Variants in MARCHF4 observed in about 807,000 individuals in gnomAD.
The protein encoded by MARCHF4 is membrane associated ring-CH-type finger 4, also known as E3 ubiquitin-protein ligase MARCHF4.
A neutral mutation model predicts 43.9 loss-of-function variants in MARCHF4; 14 were observed. That is an observed-to-expected ratio of 0.32 (90% confidence interval 0.21 to 0.50). The LOEUF is 0.50. Ranked by LOEUF, MARCHF4 falls within the 20% of genes least tolerant of loss-of-function variation. The pLI is 0.98. For missense variants in MARCHF4, 468 were observed against 536.7 expected (o/e 0.87, Z 1.27); for synonymous variants, 226 against 213.3 (o/e 1.06, Z -0.52).
At chr2:216,272,848 G>T (rs1174588949) in intron 3 of MARCHF4, among the ~76,000 whole-genome samples, 2 of 152,294 alleles carry the variant, frequency 1.3e-5, no homozygotes, top group East Asian at 3.9e-4. Flanking sequence ...CAACCCTCTG[G>T]TATAACCAAG....
chr2:216,297,258 T>C (rs1691411643), intron 1 of MARCHF4, among the ~76,000 whole-genome samples: 1 of 152,178 alleles, frequency 6.6e-6, no homozygotes, highest in Admixed American at 6.5e-5. Context: ...TCAAAGGTCC[T>C]CCTCTCCTCC....
intron 1 of MARCHF4, among the ~76,000 whole-genome samples, chr2:216,357,487 A>AT (rs1161198452): frequency 6.6e-6 from 1 of 152,080 alleles, no homozygotes; most frequent in East Asian, 1.9e-4. Context: ...TGCTTGGCTA[A>AT]TTTTTAAATT....
intron 1 of MARCHF4, among the ~76,000 whole-genome samples, chr2:216,319,415 A>G (rs1431938270): frequency 3.3e-5 from 5 of 152,178 alleles, no homozygotes; most frequent in African/African-American, 1.2e-4. Flanking sequence ...AGTGCACGGC[A>G]GACACTCATA....
chr2:216,315,663 T>C (rs994338238), intron 1 of MARCHF4, among the ~76,000 whole-genome samples: 5 of 152,240 alleles, frequency 3.3e-5, no homozygotes, highest in Non-Finnish European at 7.3e-5. Flanking sequence ...AATGGGACTG[T>C]ATTTCGTTTT....
At chr2:216,285,138 G>A (rs528455955) in intron 1 of MARCHF4, among the ~76,000 whole-genome samples, 1 of 152,140 alleles carries the variant, frequency 6.6e-6, no homozygotes, top group Non-Finnish European at 1.5e-5. Context: ...GTTTGAATAA[G>A]TACATGAAAA....
At chr2:216,336,666 G>A (rs1692160451) in intron 1 of MARCHF4, among the ~76,000 whole-genome samples, 1 of 145,438 alleles carries the variant, frequency 6.9e-6, no homozygotes, top group Non-Finnish European at 1.5e-5. Flanking sequence ...TGGAAAAATG[G>A]CTTTAGATCG....
At chr2:216,323,139 C>T (rs557234982) in intron 1 of MARCHF4, among the ~76,000 whole-genome samples, 1 of 152,118 alleles carries the variant, frequency 6.6e-6, no homozygotes, top group Non-Finnish European at 1.5e-5. Context: ...GATGTTCAAA[C>T]TGATACCCTA....
chr2:216,259,452 C>A lies in MARCHF4; in HGVS notation c.1093G>T (p.Ala365Ser). The change falls in exon 4 of 4, where the codon GCC (alanine) becomes TCC (serine). Residue 365 changes from alanine (A) to serine (S), a missense_variant. Ala to Ser is a moderately conservative substitution (Grantham distance 99). Coordinates refer to ENST00000273067, the MANE Select transcript of MARCHF4 (RefSeq NM_020814.3). ...PAPEQGPAQA[A>S]GHPSGPLSHH... is the part of the protein sequence containing the mutation. ...GACAGAGGGCCTGAGGGGTGGCCGG[C>A]AGCCTGGGCAGGGCCCTGCTCAGGG... 4.3e-6 allele frequency: 7 copies of A among 1,614,094 alleles called. No individual in the cohort carries two copies. The highest frequency in any genetic ancestry group is 5.1e-6 in the Non-Finnish European group (6 of 1,179,964).
intron 2 of MARCHF4, among the ~76,000 whole-genome samples, chr2:216,282,561 G>A (rs893371103): frequency 6.6e-6 from 1 of 152,124 alleles, no homozygotes; most frequent in African/African-American, 2.4e-5. Context: ...TTGATTATGT[G>A]GCAGCTTAAT....
At chr2:216,345,902 G>A (rs2105976768) in intron 1 of MARCHF4, among the ~76,000 whole-genome samples, 1 of 152,124 alleles carries the variant, frequency 6.6e-6, no homozygotes, top group Non-Finnish European at 1.5e-5. Context: ...TCAAATAGGA[G>A]GGTCTCCGAG....
chr2:216,262,919 G>A (rs190788382), intron 3 of MARCHF4, among the ~76,000 whole-genome samples: 1 of 152,252 alleles, frequency 6.6e-6, no homozygotes, highest in African/African-American at 2.4e-5. Flanking sequence ...AAATGCTATG[G>A]TACAACTACA....
chr2:216,350,222 C>A (rs539960147), intron 1 of MARCHF4, among the ~76,000 whole-genome samples: 1 of 145,258 alleles, frequency 6.9e-6, no homozygotes, highest in Non-Finnish European at 1.5e-5. Flanking sequence ...TCATGCCACA[C>A]CCCCTCGCTA....
chr2:216,294,852 A>G (rs974112636), intron 1 of MARCHF4, among the ~76,000 whole-genome samples: 18 of 152,236 alleles, frequency 1.2e-4, no homozygotes. Flanking sequence ...CTTACTGAGC[A>G]CTTATCAGGT....
At chr2:216,299,464 C>T (rs1007239889) in intron 1 of MARCHF4, among the ~76,000 whole-genome samples, 13 of 152,130 alleles carry the variant, frequency 8.5e-5, no homozygotes, top group African/African-American at 3.1e-4. Flanking sequence ...CCCACCACCA[C>T]CCTCTGTAAG....
intron 1 of MARCHF4, among the ~76,000 whole-genome samples, chr2:216,340,534 G>A (rs1054302352): frequency 6.6e-6 from 1 of 152,138 alleles, no homozygotes; most frequent in Non-Finnish European, 1.5e-5. Flanking sequence ...AATTCCACCA[G>A]CACCTACTCT....
intron 1 of MARCHF4, among the ~76,000 whole-genome samples, chr2:216,319,057 C>A (rs146035210): frequency 6.6e-6 from 1 of 152,170 alleles, no homozygotes; most frequent in African/African-American, 2.4e-5. Context: ...TCTGTAATGC[C>A]GGCACTTTGC....
intron 1 of MARCHF4, among the ~76,000 whole-genome samples, chr2:216,360,986 T>C (rs1373038068): frequency 1.3e-5 from 2 of 152,138 alleles, no homozygotes; most frequent in African/African-American, 4.8e-5. Flanking sequence ...GGCCAAAGTA[T>C]GGGATGTTGA....
In MARCHF4 at chr2:216,283,728, C is replaced by G; in HGVS notation, c.518G>C (p.Gly173Ala). 6.2e-7 allele frequency: 1 copy of G among 1,600,696 alleles called. No individual in the cohort carries two copies. Among genetic ancestry groups the G allele is most frequent in the South Asian group, 1.1e-5 (1 of 90,562 alleles). ...ACAGCGGCATGGGCTCAGCAGCTCC[C>G]CCTGCAGGGAGAGAGCACAGGGTGA... ...CRICFQGPEQ[G>A]ELLSPCRCDG... The change falls in exon 2 of 4, where the codon GGG becomes GCG. Residue 173 changes from glycine (G) to alanine (A), a missense_variant and splice_region_variant. By Grantham distance (60) the Gly-to-Ala change is moderately conservative. This residue lies in a region of MARCHF4 where 158 missense variants were observed against 251.1 expected (regional missense o/e 0.63). Transcript: ENST00000273067.
chr2:216,370,513 C>T lies in MARCHF4; in HGVS notation c.-253G>A, dbSNP rs1692742809. The stretch of plus-strand genomic sequence containing the variant: ...TCTTGCCCTCACACACCCACCCCAA[C>T]CTCCAACTTTGTTCAGTGTGTCTCC... On this transcript the variant is annotated 5_prime_UTR_variant, in exon 1 of 4. Transcript: ENST00000273067. The T allele has an allele frequency of 2.4e-6, 1 of 411,270 alleles. No individual in the cohort carries two copies. Among genetic ancestry groups the T allele is most frequent in the African/African-American group, 2.0e-5 (1 of 49,284 alleles). 25.5% of individuals were successfully genotyped at this position (411,270 alleles called of 1,614,324 possible).
Sources: gnomAD v4.1 joint callset for allele counts (sites outside exome capture counted in the v4.1 genomes callset) on GRCh38, gnomAD v4.1.1 for gene constraint, gnomAD v4.1.1 regional missense constraint, MANE v1.5 for transcripts, NCBI Gene and HGNC (gene_info 2026-07-23, HGNC 2026-07-21) for gene names.